The following HMBOX1 variants were observed in gnomAD, a reference collection of about 807,000 sequenced individuals.
The protein encoded by HMBOX1 is homeobox-containing protein 1.
A neutral mutation model predicts 54.5 loss-of-function variants in HMBOX1; 14 were observed. The observed-to-expected ratio is 0.26, with a 90% confidence interval of 0.17 to 0.40. The LOEUF (loss-of-function observed/expected upper bound fraction) is 0.40. Among genes scored for constraint, HMBOX1 ranks in the 10% least tolerant of loss-of-function variants. The pLI, the probability that HMBOX1 is intolerant of heterozygous loss-of-function variation, is 1.00. For missense variants in HMBOX1, 332 were observed against 514.4 expected (o/e 0.65, Z 3.43); for synonymous variants, 160 against 181.0 (o/e 0.88, Z 0.93).
At chr8:28,980,264 C>T (rs1307575759) in intron 4 of HMBOX1, 108 bp downstream of exon 4, 3 of 818,580 alleles carry the variant, frequency 3.7e-6, no homozygotes, top group Admixed American at 1.9e-5. Context: ...GATCTGTCAA[C>T]TTAGGCATAA....
chr8:28,895,254 C>T (rs746780757), intron 1 of HMBOX1, among the ~76,000 whole-genome samples: 14 of 152,158 alleles, frequency 9.2e-5, no homozygotes, highest in African/African-American at 2.7e-4. Flanking sequence ...TATTAAGTAG[C>T]GTGGAGTTGC....
chr8:29,033,564 T>C (rs1803364540), intron 6 of HMBOX1, among the ~76,000 whole-genome samples: 1 of 152,228 alleles, frequency 6.6e-6, no homozygotes, highest in African/African-American at 2.4e-5. Context: ...TTATACTTCC[T>C]GGTTCCTTTT....
chr8:28,958,201 A>G (rs1427113329), intron 1 of HMBOX1, among the ~76,000 whole-genome samples: 4 of 152,196 alleles, frequency 2.6e-5, no homozygotes, highest in East Asian at 1.9e-4. Flanking sequence ...TCCTGGCCTC[A>G]AGCAATCTTC....
intron 1 of HMBOX1, among the ~76,000 whole-genome samples, chr8:28,911,137 A>G (rs1197727744): frequency 6.6e-6 from 1 of 152,186 alleles, no homozygotes; most frequent in African/African-American, 2.4e-5. Flanking sequence ...GTTGGAAGCA[A>G]CAAAAACTGA....
At chr8:28,975,011 ATAAT>A (rs1286574935) in intron 3 of HMBOX1, among the ~76,000 whole-genome samples, 2 of 152,216 alleles carry the variant, frequency 1.3e-5, no homozygotes, top group African/African-American at 2.4e-5. Context: ...GCTACTATAA[ATAAT>A]TCTTTTCCTT....
chr8:28,902,237 C>T (rs917515470), intron 1 of HMBOX1, among the ~76,000 whole-genome samples: 5 of 152,154 alleles, frequency 3.3e-5, no homozygotes, highest in East Asian at 1.9e-4. Flanking sequence ...GTACCCCTGT[C>T]GCTGGTACCA....
At chr8:29,030,823 T>A (rs1323923793) in intron 6 of HMBOX1, among the ~76,000 whole-genome samples, 2 of 152,246 alleles carry the variant, frequency 1.3e-5, no homozygotes, top group African/African-American at 4.8e-5. Flanking sequence ...TTTTAATGCA[T>A]ATTCTCATGA....
At chr8:28,967,897 C>G (rs1385504343) in intron 2 of HMBOX1, among the ~76,000 whole-genome samples, 1 of 152,050 alleles carries the variant, frequency 6.6e-6, no homozygotes, top group Non-Finnish European at 1.5e-5. Context: ...CCCATGGGCA[C>G]AAATGGCCTG....
intron 1 of HMBOX1, among the ~76,000 whole-genome samples, chr8:28,905,372 C>T (rs1156597985): frequency 6.6e-6 from 1 of 152,160 alleles, no homozygotes; most frequent in Non-Finnish European, 1.5e-5. Context: ...CACACACACA[C>T]GCAGAGAGAG....
chr8:28,932,308 C>T (rs1366943867), intron 1 of HMBOX1, among the ~76,000 whole-genome samples: 1 of 152,114 alleles, frequency 6.6e-6, no homozygotes, highest in Admixed American at 6.5e-5. Context: ...CAGTAGGAAG[C>T]CAATTGCAAG....
At chr8:28,967,261 A>C (rs1360202994) in intron 2 of HMBOX1, among the ~76,000 whole-genome samples, 1 of 152,212 alleles carries the variant, frequency 6.6e-6, no homozygotes, top group Non-Finnish European at 1.5e-5. Flanking sequence ...CTTGGAAAGA[A>C]TGAGGTGTTC....
chr8:28,970,500 A>G lies in HMBOX1; in HGVS notation c.481A>G (p.Lys161Glu). ...AGAAGAGGACCTAGATGTAGATGAT[A>G]AAGTGGAAGAATTAATGAGGTTAGT... Reference protein sequence around the residue: ...ASEEDLDVDDKVEELMRRDSS... With the variant: ...ASEEDLDVDDEVEELMRRDSS... Residue 161 changes from lysine (K) to glutamate (E), a missense_variant, in exon 3 of 10, where the codon AAA becomes GAA. By Grantham distance (56) the Lys-to-Glu change is moderately conservative. This residue lies in a region of HMBOX1 where 117 missense variants were observed against 220.0 expected (regional missense o/e 0.53). Coordinates refer to ENST00000287701, the MANE Select transcript of HMBOX1 (RefSeq NM_001135726.3). The surrounding 1 kb of genome is among the most constrained non-coding windows in gnomAD (Gnocchi z 4.3). The G allele has an allele frequency of 2.5e-6, 4 of 1,595,024 alleles. No homozygotes were observed. Among genetic ancestry groups the G allele is most frequent in the African/African-American group, 1.3e-5 (1 of 74,560 alleles).
At chr8:28,922,548 T>A (rs1817730686) in intron 1 of HMBOX1, among the ~76,000 whole-genome samples, 1 of 152,206 alleles carries the variant, frequency 6.6e-6, no homozygotes, top group South Asian at 2.1e-4. Context: ...TTGTGGCTTA[T>A]CAGTAGTTAT....
intron 6 of HMBOX1, among the ~76,000 whole-genome samples, chr8:29,041,237 G>A (rs557531818): frequency 5.3e-5 from 8 of 152,102 alleles, no homozygotes; most frequent in Non-Finnish European, 1.2e-4. Flanking sequence ...ATTGCCACCA[G>A]TATTTTCCTG....
At chr8:29,031,316 C>T (rs931017018) in intron 6 of HMBOX1, among the ~76,000 whole-genome samples, 1 of 151,992 alleles carries the variant, frequency 6.6e-6, no homozygotes, top group Non-Finnish European at 1.5e-5. Context: ...GTGGCTAAGT[C>T]AGTGATGATG....
intron 5 of HMBOX1, among the ~76,000 whole-genome samples, chr8:29,010,553 T>C (rs2132859521): frequency 6.6e-6 from 1 of 151,180 alleles, no homozygotes; most frequent in South Asian, 2.1e-4. Context: ...GAGACCTGTC[T>C]CAAAAAAAAA....
intron 4 of HMBOX1, among the ~76,000 whole-genome samples, chr8:28,988,387 A>G (rs763372227): frequency 2.6e-5 from 4 of 152,270 alleles, no homozygotes; most frequent in Admixed American, 6.5e-5. Flanking sequence ...AGCTGCTGTG[A>G]ACATCTTGTG....
At chr8:28,989,405 T>G (rs1382728345) in intron 4 of HMBOX1, among the ~76,000 whole-genome samples, 1 of 152,240 alleles carries the variant, frequency 6.6e-6, no homozygotes, top group African/African-American at 2.4e-5. Context: ...TGTGTTGAGA[T>G]AAGGGTTGAG....
intron 4 of HMBOX1, among the ~76,000 whole-genome samples, chr8:29,004,871 A>G (rs1160905286): frequency 1.3e-5 from 2 of 152,152 alleles, no homozygotes; most frequent in Admixed American, 6.5e-5. Context: ...CAGCTGAAGG[A>G]CCAAAGCAGC....
Sources: gnomAD v4.1 joint callset for allele counts (sites outside exome capture counted in the v4.1 genomes callset) on GRCh38, gnomAD v4.1.1 for gene constraint, gnomAD v4.1.1 regional missense constraint, Gnocchi (gnomAD v3.1) non-coding constraint, MANE v1.5 for transcripts, NCBI Gene and HGNC (gene_info 2026-07-23, HGNC 2026-07-21) for gene names.